TBC1D5: variants seen among roughly 807,000 people sequenced by gnomAD.
The protein encoded by TBC1D5 is TBC1 domain family, member 5.
TBC1D5 carries 75 observed loss-of-function variants against 100.3 expected under a neutral mutation model. The ratio of observed to expected loss-of-function variants is 0.75; its 90% CI spans 0.62 to 0.91. The LOEUF is 0.91. Among genes scored for constraint, TBC1D5 ranks in the 40% least tolerant of loss-of-function variants. The probability of loss-of-function intolerance (pLI) is 0.00; values close to 1 mark genes in which losing one functional copy is unlikely to be tolerated. For missense variants in TBC1D5, 910 were observed against 942.4 expected (o/e 0.97, Z 0.45); for synonymous variants, 323 against 325.6 (o/e 0.99, Z 0.09).
At position 17,691,003 on chromosome 3, in the gene TBC1D5, T is replaced by C. The variant is rs1577503138; in HGVS notation, c.-101+48340A>G. The stretch of plus-strand genomic sequence containing the variant: ...AGTTAGCAAGAAAGTACAGTATACA[T>C]ATAAGCTATAAATAAAGGAGAAACC... On this transcript the variant is annotated intron_variant, in intron 1 of 21. Transcript: ENST00000253692. Among the ~76,000 whole-genome samples, 3 of 152,306 alleles carry C rather than the reference T, an allele frequency of 2.0e-5. No individual in the cohort carries two copies. The East Asian group carries it at 5.8e-4, about 29-fold the overall frequency.
intron 1 of TBC1D5, among the ~76,000 whole-genome samples, chr3:17,631,389 A>G (rs1181014807): frequency 1.3e-5 from 2 of 152,256 alleles, no homozygotes; most frequent in Non-Finnish European, 2.9e-5. Context: ...CTATAACATT[A>G]AAGTGCAAAG....
In TBC1D5 at chr3:17,176,335, C is replaced by CTGT. The variant is rs1381703271; in HGVS notation, c.1853-8510_1853-8508dup. On this transcript the variant is annotated intron_variant, in intron 19 of 21. Coordinates refer to ENST00000253692, the Ensembl canonical transcript of TBC1D5. Reference sequence around the variant, plus strand: ...TGACAAGTATATAAGCTTCATCCTACTGTTGTGTTAAATGCTCTACCAGGA... The same window carrying CTGT: ...TGACAAGTATATAAGCTTCATCCTACTGTTGTTGTGTTAAATGCTCTACCAGGA... 1.8e-4 allele frequency among the ~76,000 whole-genome samples: 28 copies of CTGT among 152,296 alleles called. 1 individual carries two copies. Among genetic ancestry groups the CTGT allele is most frequent in the African/African-American group, 6.3e-4 (26 of 41,554 alleles).
At chr3:17,686,999 T>C (rs984466804) in intron 1 of TBC1D5, among the ~76,000 whole-genome samples, 2 of 152,128 alleles carry the variant, frequency 1.3e-5, no homozygotes, top group Non-Finnish European at 2.9e-5. Context: ...TTAATAGATG[T>C]AGAGTCTTTT....
upstream of TBC1D5, among the ~76,000 whole-genome samples, chr3:17,741,443 T>G (rs919095889): frequency 6.6e-6 from 1 of 152,268 alleles, no homozygotes; most frequent in Non-Finnish European, 1.5e-5. Flanking sequence ...AATACCTATT[T>G]ATTGCTTCCT....
chr3:17,307,613 C>T (rs1176982860), intron 14 of TBC1D5, among the ~76,000 whole-genome samples: 1 of 152,108 alleles, frequency 6.6e-6, no homozygotes, highest in Non-Finnish European at 1.5e-5. Flanking sequence ...ATTCCAATCT[C>T]CTGATAAACA....
At chr3:17,255,507 G>A (rs2077561077) in intron 16 of TBC1D5, among the ~76,000 whole-genome samples, 1 of 152,010 alleles carries the variant, frequency 6.6e-6, no homozygotes, top group Non-Finnish European at 1.5e-5. Flanking sequence ...GCCAGATCCT[G>A]TGTTTCTTAC....
At chr3:17,522,246 A>C (rs2096071272) in intron 2 of TBC1D5, among the ~76,000 whole-genome samples, 1 of 152,122 alleles carries the variant, frequency 6.6e-6, no homozygotes, top group Middle Eastern at 3.2e-3. Flanking sequence ...TTTTTCATAA[A>C]AGAGATTTGT....
chr3:17,555,605 CTG>C (rs1187407704), intron 2 of TBC1D5, among the ~76,000 whole-genome samples: 3 of 152,166 alleles, frequency 2.0e-5, no homozygotes, highest in African/African-American at 7.2e-5. Context: ...AGGAATGGGA[CTG>C]TGATTCTATT....
At chr3:17,540,847 C>T (rs1357613256) in intron 2 of TBC1D5, among the ~76,000 whole-genome samples, 2 of 130,604 alleles carry the variant, frequency 1.5e-5, no homozygotes, top group African/African-American at 6.1e-5. Context: ...GCAGAGGCTG[C>T]AGTGAGCCGA....
At chr3:17,280,245 G>A (rs2080434742) in intron 15 of TBC1D5, among the ~76,000 whole-genome samples, 1 of 152,194 alleles carries the variant, frequency 6.6e-6, no homozygotes, top group African/African-American at 2.4e-5. Context: ...GCCTGGATCT[G>A]AAGACTTAAA....
At chr3:17,194,756 C>A (rs1434960658) in intron 18 of TBC1D5, among the ~76,000 whole-genome samples, 1 of 152,112 alleles carries the variant, frequency 6.6e-6, no homozygotes, top group African/African-American at 2.4e-5. Context: ...GAACTTTTAG[C>A]CTTTAGAAAC....
intron 13 of TBC1D5, among the ~76,000 whole-genome samples, chr3:17,336,573 G>T (rs2087844227): frequency 6.6e-6 from 1 of 151,926 alleles, no homozygotes; most frequent in South Asian, 2.1e-4. Flanking sequence ...GAAAGAAAGA[G>T]AAAATGATAA....
intron 14 of TBC1D5, among the ~76,000 whole-genome samples, chr3:17,296,577 ACT>A (rs2150264710): frequency 6.6e-6 from 1 of 152,298 alleles, no homozygotes; most frequent in East Asian, 1.9e-4. Flanking sequence ...ACAAAATTTT[ACT>A]CTCTTCAGTT....
intron 13 of TBC1D5, among the ~76,000 whole-genome samples, chr3:17,356,579 G>A (rs987361419): frequency 1.3e-5 from 2 of 151,980 alleles, no homozygotes; most frequent in East Asian, 3.8e-4. Flanking sequence ...TAATGAATTC[G>A]GATAAAAAGC....
At chr3:17,537,665 GT>G (rs1279325659) in intron 2 of TBC1D5, among the ~76,000 whole-genome samples, 4 of 152,104 alleles carry the variant, frequency 2.6e-5, no homozygotes, top group Non-Finnish European at 4.4e-5. Flanking sequence ...TATAGAATTT[GT>G]CTTTTTGTGA....
chr3:17,720,142 G>A (rs1560549833), intron 1 of TBC1D5, among the ~76,000 whole-genome samples: 3 of 152,006 alleles, frequency 2.0e-5, no homozygotes, highest in South Asian at 2.1e-4. Flanking sequence ...AAGCCGTGTC[G>A]CTCTTTTTAC....
At chr3:17,671,501 C>A (rs1350095309) in intron 1 of TBC1D5, among the ~76,000 whole-genome samples, 1 of 152,016 alleles carries the variant, frequency 6.6e-6, no homozygotes. Context: ...TATTCAATAT[C>A]CTTAATCAAA....
intron 13 of TBC1D5, among the ~76,000 whole-genome samples, chr3:17,326,030 T>C (rs1459517068): frequency 6.6e-6 from 1 of 152,160 alleles, no homozygotes; most frequent in Non-Finnish European, 1.5e-5. Flanking sequence ...GTAGATAAAT[T>C]CTCTATGACT....
intron 1 of TBC1D5, among the ~76,000 whole-genome samples, chr3:17,658,978 G>C (rs1405546483): frequency 1.3e-5 from 2 of 152,128 alleles, no homozygotes; most frequent in South Asian, 4.1e-4. Flanking sequence ...CTTAATACAA[G>C]AGAAATCATC....
Sources: allele counts gnomAD v4.1 joint callset (sites outside exome capture counted in the v4.1 genomes callset), GRCh38; gene constraint gnomAD v4.1.1; transcripts MANE v1.5; gene names NCBI Gene and HGNC (gene_info 2026-07-23, HGNC 2026-07-21).